Variants in NLK observed in about 807,000 individuals in gnomAD.
NLK encodes the protein serine/threonine-protein kinase NLK.
In NLK, 11 loss-of-function variants were observed where a neutral mutation model predicts 59.0. That is an observed-to-expected ratio of 0.19 (90% CI 0.12 to 0.31). The LOEUF (loss-of-function observed/expected upper bound fraction) is 0.31. Ranked by LOEUF, NLK falls within the 10% of genes least tolerant of loss-of-function variation. The pLI, the probability that NLK is intolerant of heterozygous loss-of-function variation, is 1.00. For synonymous variants in NLK, 235 were observed against 235.9 expected, an observed-to-expected ratio of 1.00 and a Z score of 0.03; for missense variants, 410 against 661.1, an observed-to-expected ratio of 0.62 and a Z score of 4.16.
chr17:28,070,001 C>T (rs1233438639), intron 1 of NLK, among the ~76,000 whole-genome samples: 1 of 151,836 alleles, frequency 6.6e-6, no homozygotes, highest in Non-Finnish European at 1.5e-5. Context: ...TCTGGGAGGC[C>T]GAGGCAGGCA....
chr17:28,084,548 C>A (rs1268798850), intron 1 of NLK, among the ~76,000 whole-genome samples: 1 of 151,864 alleles, frequency 6.6e-6, no homozygotes, highest in Non-Finnish European at 1.5e-5. Context: ...CGGGGCTGTA[C>A]ATTCTGTCCC....
chr17:28,052,260 TTAAA>T (rs1909283843), intron 1 of NLK, among the ~76,000 whole-genome samples: 1 of 152,252 alleles, frequency 6.6e-6, no homozygotes, highest in Non-Finnish European at 1.5e-5. Context: ...TTTTAAATTT[TTAAA>T]TAAAATTTAA....
intron 2 of NLK, among the ~76,000 whole-genome samples, chr17:28,126,238 T>G (rs1906284660): frequency 6.6e-6 from 1 of 152,198 alleles, no homozygotes; most frequent in South Asian, 2.1e-4. Context: ...AACCTAGAAA[T>G]GTATTCAAAG....
intron 1 of NLK, among the ~76,000 whole-genome samples, chr17:28,099,090 G>A (rs998516034): frequency 6.6e-6 from 1 of 152,002 alleles, no homozygotes; most frequent in East Asian, 1.9e-4. Context: ...TAAGGGTTTC[G>A]ATAATACAAC....
At chr17:28,094,194 C>T (rs75244259) in intron 1 of NLK, among the ~76,000 whole-genome samples, 1,582 of 152,236 alleles carry the variant, frequency 0.01, 31 homozygotes, top group African/African-American at 0.036. Flanking sequence ...TTCTTCAGAA[C>T]GTCCTAGAAT....
chr17:28,137,478 A>G (rs986507075), intron 3 of NLK, among the ~76,000 whole-genome samples: 13 of 152,158 alleles, frequency 8.5e-5, no homozygotes, highest in Admixed American at 7.9e-4. Flanking sequence ...AAAAATTGGG[A>G]TATATATCAC....
chr17:28,113,389 A>ATGAC (rs1337412196), intron 1 of NLK, among the ~76,000 whole-genome samples: 8 of 152,214 alleles, frequency 5.3e-5, no homozygotes, highest in Non-Finnish European at 7.3e-5. Context: ...GAATAAAAGA[A>ATGAC]TGACTACTCC....
chr17:28,055,826 C>T (rs1909422335), intron 1 of NLK, among the ~76,000 whole-genome samples: 1 of 152,168 alleles, frequency 6.6e-6, no homozygotes, highest in African/African-American at 2.4e-5. Context: ...TGACAGGTAT[C>T]AGGTATGTGA....
At position 28,185,583 on chromosome 17, in the gene NLK, C is replaced by T. The variant is rs142867921; in HGVS notation, c.1236+318C>T. On this transcript the variant is annotated intron_variant, in intron 8 of 10. Transcript: ENST00000407008. ...TTTTGTTTTGAGACAAGGTCTTGCT[C>T]TGTCACCCAGGCTGGAGTGCAGAGG... 3.4e-3 allele frequency among the ~76,000 whole-genome samples: 511 copies of T among 152,258 alleles called. 3 individuals carry two copies. Among genetic ancestry groups the T allele is most frequent in the African/African-American group, 0.012 (481 of 41,546 alleles).
intron 3 of NLK, among the ~76,000 whole-genome samples, chr17:28,135,050 C>T (rs1906682897): frequency 6.6e-6 from 1 of 152,190 alleles, no homozygotes; most frequent in African/African-American, 2.4e-5. Flanking sequence ...TATACCTGGC[C>T]AGGAGCTACC....
downstream of NLK, among the ~76,000 whole-genome samples, chr17:28,200,676 G>T (rs574672961): frequency 4.6e-5 from 7 of 152,264 alleles, 1 homozygote; most frequent in South Asian, 1.4e-3. Flanking sequence ...TAAAGGCGGG[G>T]TTTCACCATG....
intron 1 of NLK, among the ~76,000 whole-genome samples, chr17:28,067,535 A>T (rs1909870210): frequency 1.4e-5 from 2 of 139,764 alleles, no homozygotes; most frequent in Non-Finnish European, 3.1e-5. Flanking sequence ...AGAATTGTTT[A>T]AAAAAAAAAA....
intron 3 of NLK, among the ~76,000 whole-genome samples, chr17:28,160,168 T>C (rs1406653243): frequency 1.3e-5 from 2 of 151,564 alleles, no homozygotes; most frequent in Non-Finnish European, 2.9e-5. Context: ...GGAAGAGGAG[T>C]GAGGACCAGC....
At chr17:28,110,880 T>C (rs545447320) in intron 1 of NLK, among the ~76,000 whole-genome samples, 5 of 152,150 alleles carry the variant, frequency 3.3e-5, no homozygotes, top group African/African-American at 1.2e-4. Flanking sequence ...AGTCTCGCTC[T>C]GTCGCCCAGG....
intron 7 of NLK, among the ~76,000 whole-genome samples, chr17:28,184,047 G>A (rs1210674274): frequency 1.3e-5 from 2 of 152,156 alleles, no homozygotes; most frequent in African/African-American, 4.8e-5. Context: ...AAGCTCTATG[G>A]CTTCTCAGGT....
At chr17:28,154,964 G>A (rs1347952578) in intron 3 of NLK, among the ~76,000 whole-genome samples, 8 of 152,130 alleles carry the variant, frequency 5.3e-5, no homozygotes. Flanking sequence ...CCTGGGAAAT[G>A]GAGGTTGCAG....
chr17:28,156,573 G>A (rs1443493469), intron 3 of NLK, among the ~76,000 whole-genome samples: 1 of 152,130 alleles, frequency 6.6e-6, no homozygotes, highest in South Asian at 2.1e-4. Flanking sequence ...TTTGTGGGAG[G>A]GGGAGGGGGA....
chr17:28,121,373 A>G (rs1294787947), intron 1 of NLK, among the ~76,000 whole-genome samples: 1 of 134,750 alleles, frequency 7.4e-6, no homozygotes. Context: ...CAATCTTAGT[A>G]TGATAGGTAG....
intron 7 of NLK, among the ~76,000 whole-genome samples, chr17:28,184,280 A>G (rs1909030938): frequency 6.6e-6 from 1 of 152,256 alleles, no homozygotes; most frequent in Admixed American, 6.5e-5. Context: ...GTCATAAGAC[A>G]TAGTTCACAT....
Sources: gnomAD v4.1 joint callset for allele counts (sites outside exome capture counted in the v4.1 genomes callset) on GRCh38, gnomAD v4.1.1 for gene constraint, MANE v1.5 for transcripts, NCBI Gene and HGNC (gene_info 2026-07-23, HGNC 2026-07-21) for gene names.